The following FAM13A variants were observed in gnomAD, a reference collection of about 807,000 sequenced individuals.
FAM13A encodes the protein family with sequence similarity 13 member A.
Under a neutral mutation model 129.6 loss-of-function variants are expected in FAM13A, and 76 were observed. That is an observed-to-expected ratio of 0.59 (90% CI 0.49 to 0.71). The LOEUF is 0.71. Among genes scored for constraint, FAM13A ranks in the 30% least tolerant of loss-of-function variants. FAM13A has a pLI of 0.00. For synonymous variants in FAM13A, 443 were observed against 449.9 expected, an observed-to-expected ratio of 0.98 and a Z score of 0.20; for missense variants, 1,108 against 1,249.3, an observed-to-expected ratio of 0.89 and a Z score of 1.70.
chr4:88,890,944 A>G (rs1166838865), intron 6 of FAM13A, among the ~76,000 whole-genome samples: 1 of 152,206 alleles, frequency 6.6e-6, no homozygotes, highest in Admixed American at 6.5e-5. Context: ...AGAAACGTGA[A>G]TAGACCTATA....
At chr4:88,871,739 A>G (rs1329760603) in intron 6 of FAM13A, among the ~76,000 whole-genome samples, 1 of 152,252 alleles carries the variant, frequency 6.6e-6, no homozygotes, top group Non-Finnish European at 1.5e-5. Flanking sequence ...ATTATCCAGG[A>G]GAATTCCCCA....
At chr4:88,801,609 C>T (rs1432765791) in intron 8 of FAM13A, among the ~76,000 whole-genome samples, 1 of 152,170 alleles carries the variant, frequency 6.6e-6, no homozygotes, top group Non-Finnish European at 1.5e-5. Flanking sequence ...GTTTCAGATG[C>T]CAGGTGAGTT....
intron 2 of FAM13A, among the ~76,000 whole-genome samples, chr4:89,022,322 C>G (rs1795721): frequency 0.6 from 90,688 of 151,926 alleles, 27,666 homozygotes; most frequent in Middle Eastern, 0.69. Flanking sequence ...AAAATCAATC[C>G]TGAGAAAAAA....
At chr4:89,048,004 A>G (rs1771086188) in intron 1 of FAM13A, among the ~76,000 whole-genome samples, 1 of 152,228 alleles carries the variant, frequency 6.6e-6, no homozygotes. Context: ...GCAAGGATAT[A>G]GAGAAACTAG....
At chr4:89,026,431 C>T (rs895902272) in intron 2 of FAM13A, among the ~76,000 whole-genome samples, 22 of 152,220 alleles carry the variant, frequency 1.4e-4, no homozygotes, top group African/African-American at 4.8e-4. Flanking sequence ...GAACAGAAAC[C>T]TGGCTCTTAA....
intron 3 of FAM13A, among the ~76,000 whole-genome samples, chr4:89,014,022 C>T (rs1312373048): frequency 6.6e-6 from 1 of 152,160 alleles, no homozygotes; most frequent in Non-Finnish European, 1.5e-5. Context: ...GTGTCCTGCT[C>T]AGGGTTGACT....
At chr4:88,775,044 G>GA (rs1160410229) in intron 11 of FAM13A, among the ~76,000 whole-genome samples, 2 of 152,192 alleles carry the variant, frequency 1.3e-5, no homozygotes, top group Non-Finnish European at 2.9e-5. Context: ...GAAAAGCTCT[G>GA]AAAGTTCAGA....
chr4:88,728,650 C>T lies in FAM13A; in HGVS notation c.2955G>A (p.Gln985=). 6.2e-7 allele frequency: 1 copy of T among 1,614,162 alleles called. No homozygotes were observed. The highest frequency in any genetic ancestry group is 8.5e-7 in the Non-Finnish European group (1 of 1,180,010). The change falls in exon 24 of 24, where the codon CAG becomes CAA. Residue 985 remains glutamine, a synonymous_variant. Transcript: ENST00000264344. ...NFFRQNGRNV[Q]KEDRTPMAEE... is the part of the protein sequence containing the mutation. ...CAGCCATAGGAGTGCGGTCTTCCTTCTGGACATTTCTAATGCAAATAAAGG... is the reference window on the plus strand; with the variant it reads ...CAGCCATAGGAGTGCGGTCTTCCTTTTGGACATTTCTAATGCAAATAAAGG...
intron 4 of FAM13A, among the ~76,000 whole-genome samples, chr4:88,977,119 G>A (rs567890942): frequency 6.6e-6 from 1 of 152,186 alleles, no homozygotes; most frequent in Non-Finnish European, 1.5e-5. Flanking sequence ...ATTTATAAAT[G>A]AGGTACAGTA....
chr4:89,001,189 G>A (rs890883466), intron 3 of FAM13A, among the ~76,000 whole-genome samples: 1 of 152,214 alleles, frequency 6.6e-6, no homozygotes, highest in African/African-American at 2.4e-5. Flanking sequence ...TACAAATAAG[G>A]TTCTTCCTGT....
intron 4 of FAM13A, among the ~76,000 whole-genome samples, chr4:88,941,826 G>A (rs1283991471): frequency 6.6e-6 from 1 of 152,160 alleles, no homozygotes; most frequent in Non-Finnish European, 1.5e-5. Context: ...CTATGGCAGG[G>A]CACATAACCT....
At chr4:88,732,344 GATAT>G in intron 21 of FAM13A, 146 bp from the exon 22 acceptor site, 1 of 518,116 alleles carries the variant, frequency 1.9e-6, no homozygotes, top group East Asian at 3.1e-5. Context: ...GTACATTACA[GATAT>G]ATTATTGAAC....
At chr4:88,823,159 C>A in intron 7 of FAM13A, 1 of 1,500,926 alleles carries the variant, frequency 6.7e-7, no homozygotes, top group Non-Finnish European at 8.8e-7. Flanking sequence ...CTGCAGTTGG[C>A]CAGTCTACTG....
At chr4:88,998,482 T>C (rs1329698137) in intron 3 of FAM13A, among the ~76,000 whole-genome samples, 1 of 152,220 alleles carries the variant, frequency 6.6e-6, no homozygotes, top group African/African-American at 2.4e-5. Context: ...GTCTCATGTA[T>C]GTAAATATTT....
Position 88,787,890 on chromosome 4 carries a change from A to G in FAM13A, c.1134T>C (p.Leu378=), listed in dbSNP as rs1724295782. ...RTIRSAVEQH[L]FDVNNSGGQS... Reference sequence around the variant, plus strand: ...GACCTCCAGAGTTATTAACATCAAAAAGATGTTGTTCTACAGCTGATCGGA... The same window carrying G: ...GACCTCCAGAGTTATTAACATCAAAGAGATGTTGTTCTACAGCTGATCGGA... Residue 378 remains leucine, a synonymous_variant, in exon 10 of 24, where the codon CTT becomes CTC. Coordinates refer to ENST00000264344, the MANE Select transcript of FAM13A (RefSeq NM_014883.4). The G allele has an allele frequency of 6.2e-7, 1 of 1,613,230 alleles. No homozygotes were observed. Among genetic ancestry groups the G allele is most frequent in the East Asian group, 2.2e-5 (1 of 44,854 alleles).
chr4:88,929,725 T>C (rs960498311), intron 5 of FAM13A, among the ~76,000 whole-genome samples: 25 of 152,298 alleles, frequency 1.6e-4, no homozygotes, highest in African/African-American at 5.3e-4. Context: ...ATTTTTTTAA[T>C]TCCAAAATTT....
intron 4 of FAM13A, among the ~76,000 whole-genome samples, chr4:88,952,385 A>G (rs1039768204): frequency 1.3e-5 from 2 of 152,156 alleles, no homozygotes; most frequent in African/African-American, 4.8e-5. Flanking sequence ...GTGGGGTTGC[A>G]TAATGGCGGC....
intron 11 of FAM13A, among the ~76,000 whole-genome samples, chr4:88,770,266 T>A (rs1415048756): frequency 5.9e-5 from 9 of 152,232 alleles, no homozygotes; most frequent in Non-Finnish European, 8.8e-5. Context: ...TGAATGTGAC[T>A]TTCCTGATGA....
chr4:88,763,316 T>C (rs1210208229), intron 13 of FAM13A, among the ~76,000 whole-genome samples: 4 of 151,272 alleles, frequency 2.6e-5, no homozygotes, highest in African/African-American at 4.9e-5. Flanking sequence ...TTCATACATT[T>C]GGCAAGCGTT....
Sources: gnomAD v4.1 joint callset for allele counts (sites outside exome capture counted in the v4.1 genomes callset) on GRCh38, gnomAD v4.1.1 for gene constraint, MANE v1.5 for transcripts, NCBI Gene and HGNC (gene_info 2026-07-23, HGNC 2026-07-21) for gene names.